The following SLC24A3 variants were observed in gnomAD, a reference collection of about 807,000 sequenced individuals.
SLC24A3 encodes sodium/potassium/calcium exchanger 3.
A neutral mutation model predicts 75.8 loss-of-function variants in SLC24A3; 28 were observed. The ratio of observed to expected loss-of-function variants is 0.37; its 90% CI spans 0.27 to 0.51. SLC24A3 has a LOEUF of 0.51. SLC24A3 is among the 20% of genes least tolerant of loss of function. The pLI, the probability that SLC24A3 is intolerant of heterozygous loss-of-function variation, is 0.94. For synonymous variants in SLC24A3, 372 were observed against 334.1 expected (o/e 1.11, Z -1.24); for missense variants, 663 against 847.8 (o/e 0.78, Z 2.71).
chr20:19,385,959 A>G (rs775154303), intron 2 of SLC24A3, among the ~76,000 whole-genome samples: 8 of 152,202 alleles, frequency 5.3e-5, no homozygotes, highest in Non-Finnish European at 8.8e-5. Context: ...TGTGAAAAAT[A>G]CCATTGGAAT....
chr20:19,672,619 G>A (rs1305845993), intron 8 of SLC24A3, among the ~76,000 whole-genome samples: 3 of 152,100 alleles, frequency 2.0e-5, no homozygotes, highest in South Asian at 2.1e-4. Flanking sequence ...TTACAGGAGC[G>A]GGTCACTGTG....
At chr20:19,553,690 A>G (rs768463310) in intron 3 of SLC24A3, among the ~76,000 whole-genome samples, 26 of 152,194 alleles carry the variant, frequency 1.7e-4, no homozygotes, top group Non-Finnish European at 3.5e-4. Context: ...GGCAACTGCA[A>G]GCCTTGTAAA....
At chr20:19,515,692 C>A in intron 3 of SLC24A3, 128 bp downstream of exon 3, 1 of 868,076 alleles carries the variant, frequency 1.2e-6, no homozygotes. Flanking sequence ...TGGTGGGGGT[C>A]CTTCGAGCTC....
chr20:19,570,610 G>A (rs2031037277), intron 3 of SLC24A3, among the ~76,000 whole-genome samples: 1 of 152,130 alleles, frequency 6.6e-6, no homozygotes, highest in Non-Finnish European at 1.5e-5. Context: ...AGGATACTTT[G>A]TTAATACATT....
At chr20:19,569,908 C>T (rs984079608) in intron 3 of SLC24A3, among the ~76,000 whole-genome samples, 1 of 152,212 alleles carries the variant, frequency 6.6e-6, no homozygotes, top group Non-Finnish European at 1.5e-5. Flanking sequence ...ATTAAATTCT[C>T]TTCAGTTAGA....
At chr20:19,426,145 T>C (rs929009862) in intron 2 of SLC24A3, among the ~76,000 whole-genome samples, 2 of 152,216 alleles carry the variant, frequency 1.3e-5, no homozygotes, top group African/African-American at 4.8e-5. Context: ...ATAACACCAA[T>C]TCAACATGAG....
At chr20:19,322,469 GT>G (rs1008637935) in intron 2 of SLC24A3, among the ~76,000 whole-genome samples, 18 of 131,336 alleles carry the variant, frequency 1.4e-4, no homozygotes, top group Non-Finnish European at 2.6e-4. Context: ...GTTCTTTTTG[GT>G]TTTCAAATTG....
intron 2 of SLC24A3, among the ~76,000 whole-genome samples, chr20:19,312,282 G>A (rs6045989): frequency 0.33 from 50,072 of 152,032 alleles, 9,059 homozygotes; most frequent in Middle Eastern, 0.53. Context: ...GACTTCATCG[G>A]TGGGTAGCCC....
In SLC24A3 at chr20:19,693,326, A is replaced by G; in HGVS notation, c.1392A>G (p.Val464=). 9.9e-6 allele frequency: 16 copies of G among 1,613,866 alleles called. No individual in the cohort carries two copies. The highest frequency in any genetic ancestry group is 1.4e-5 in the Non-Finnish European group (16 of 1,179,992). ...TGAGTTTCGTCTTATACTTCACTGTACCCAACTGCAACAAGCCGCGCTGGG... is the reference window on the plus strand; with the variant it reads ...TGAGTTTCGTCTTATACTTCACTGTGCCCAACTGCAACAAGCCGCGCTGGG... ...WPLSFVLYFT[V]PNCNKPRWEK... Residue 464 remains valine (V), a synonymous_variant, in exon 13 of 17, where the codon GTA becomes GTG. Transcript: ENST00000328041.
At chr20:19,334,424 AAC>A (rs1036152556) in intron 2 of SLC24A3, among the ~76,000 whole-genome samples, 15 of 145,694 alleles carry the variant, frequency 1.0e-4, no homozygotes, top group Non-Finnish European at 1.3e-4. Flanking sequence ...GAAGTATATC[AAC>A]ACAGTAAAAA....
Position 19,693,258 on chromosome 20 carries a change from GCGGGTAAACTGGAAA to G in SLC24A3, c.1326_1340del (p.Gly443_Thr447del), listed in dbSNP as rs1568700486. The stretch of plus-strand genomic sequence containing the variant: ...CTTTTTGGCCTTTTTCATTTTTCCA[GCGGGTAAACTGGAAA>G]CAGTGAAATGGGCGTTCACCTGGCC... On this transcript the variant is annotated inframe_deletion and splice_region_variant, in exon 13 of 17. Coordinates refer to ENST00000328041, the MANE Select transcript of SLC24A3 (RefSeq NM_020689.4). The G allele has an allele frequency of 6.3e-7, 1 of 1,589,360 alleles. No individual in the cohort carries two copies. The highest frequency in any genetic ancestry group is 2.2e-5 in the East Asian group (1 of 44,712).
rs189645231 is a variant in SLC24A3, at chr20:19,701,291, G to A, written c.1719+2611G>A. ...TTCATGAATTAGAGGGACACTTCAGGTCCAGGCTGAGACACGAGGGCATGA... is the reference window on the plus strand; with the variant it reads ...TTCATGAATTAGAGGGACACTTCAGATCCAGGCTGAGACACGAGGGCATGA... On this transcript the variant is annotated intron_variant, in intron 15 of 16. Coordinates refer to ENST00000328041, the MANE Select transcript of SLC24A3 (RefSeq NM_020689.4). Among the ~76,000 whole-genome samples, 49 of 152,020 alleles carry A rather than the reference G, an allele frequency of 3.2e-4. 1 individual carries two copies. The highest frequency in any genetic ancestry group is 1.0e-3 in the African/African-American group (43 of 41,442).
intron 2 of SLC24A3, among the ~76,000 whole-genome samples, chr20:19,488,227 T>C (rs1049318139): frequency 1.3e-5 from 2 of 152,216 alleles, no homozygotes; most frequent in Non-Finnish European, 2.9e-5. Flanking sequence ...TCAGCAGTAC[T>C]AGGCAGAGGC....
chr20:19,458,325 C>T (rs537784930), intron 2 of SLC24A3, among the ~76,000 whole-genome samples: 1 of 152,274 alleles, frequency 6.6e-6, no homozygotes, highest in East Asian at 1.9e-4. Flanking sequence ...TTTTAGCAGA[C>T]TGTGTTTTTA....
chr20:19,560,981 T>C (rs1397600318), intron 3 of SLC24A3, among the ~76,000 whole-genome samples: 1 of 152,214 alleles, frequency 6.6e-6, no homozygotes, highest in Non-Finnish European at 1.5e-5. Flanking sequence ...CACAAACTGA[T>C]AGGCAAGTCA....
At chr20:19,264,402 T>A (rs1983095375) in intron 1 of SLC24A3, among the ~76,000 whole-genome samples, 1 of 152,060 alleles carries the variant, frequency 6.6e-6, no homozygotes, top group South Asian at 2.1e-4. Flanking sequence ...GCTATGTGTC[T>A]CTCTGCTTCC....
chr20:19,301,599 C>T (rs1026809348), intron 2 of SLC24A3, among the ~76,000 whole-genome samples: 1 of 152,136 alleles, frequency 6.6e-6, no homozygotes, highest in Non-Finnish European at 1.5e-5. Flanking sequence ...ACTCATTTTC[C>T]TTTGAGTTAT....
intron 2 of SLC24A3, among the ~76,000 whole-genome samples, chr20:19,500,940 G>T (rs886624985): frequency 6.6e-6 from 1 of 152,168 alleles, no homozygotes; most frequent in African/African-American, 2.4e-5. Context: ...CATGACCAAG[G>T]TTATTACATC....
chr20:19,628,450 C>A (rs1280040918), intron 6 of SLC24A3, among the ~76,000 whole-genome samples: 1 of 152,004 alleles, frequency 6.6e-6, no homozygotes. Context: ...GAGTACAACA[C>A]CAAGAAGAGA....
Sources: gnomAD v4.1 joint callset for allele counts (sites outside exome capture counted in the v4.1 genomes callset) on GRCh38, gnomAD v4.1.1 for gene constraint, MANE v1.5 for transcripts, NCBI Gene and HGNC (gene_info 2026-07-23, HGNC 2026-07-21) for gene names.